Variants in XRCC4 observed in about 807,000 individuals in gnomAD.
The protein encoded by XRCC4 is X-ray repair cross complementing 4.
Under a neutral mutation model 39.1 loss-of-function variants are expected in XRCC4, and 28 were observed. The observed-to-expected ratio is 0.72, with a 90% CI of 0.53 to 0.98. The LOEUF (loss-of-function observed/expected upper bound fraction) is 0.98. XRCC4 is among the 50% of genes least tolerant of loss of function. XRCC4 has a pLI of 0.00. For missense variants in XRCC4, 350 were observed against 376.4 expected, an observed-to-expected ratio of 0.93 and a Z score of 0.58; for synonymous variants, 123 against 126.4, an observed-to-expected ratio of 0.97 and a Z score of 0.18.
intron 7 of XRCC4, among the ~76,000 whole-genome samples, chr5:83,298,377 T>A (rs924801731): frequency 1.3e-5 from 2 of 151,982 alleles, no homozygotes; most frequent in Non-Finnish European, 2.9e-5. Flanking sequence ...TTTGGTAAAA[T>A]CACCCTTATC....
intron 6 of XRCC4, among the ~76,000 whole-genome samples, chr5:83,253,037 A>G (rs1340705867): frequency 1.1e-4 from 16 of 152,236 alleles, no homozygotes; most frequent in Admixed American, 1.0e-3. Flanking sequence ...TCCTACAGAG[A>G]CAGGAAAGAT....
chr5:83,341,437 G>C lies in XRCC4; in HGVS notation c.894-11694G>C, dbSNP rs79761441. On this transcript the variant is annotated intron_variant, in intron 7 of 7. Coordinates refer to ENST00000396027, the MANE Select transcript of XRCC4 (RefSeq NM_003401.5). Reference sequence around the variant, plus strand: ...TTGCTTTTGTTTTTCCTAATTAACAGGTTTCCCAATTAACAGAAATTTTAG... The same window carrying C: ...TTGCTTTTGTTTTTCCTAATTAACACGTTTCCCAATTAACAGAAATTTTAG... Among the ~76,000 whole-genome samples the C allele has an allele frequency of 3.9e-3, 594 of 152,150 alleles. 3 individuals carry two copies. Among genetic ancestry groups the C allele is most frequent in the African/African-American group, 0.014 (577 of 41,530 alleles).
At position 83,273,088 on chromosome 5, in the gene XRCC4, A is replaced by G. The variant is rs1249359513; in HGVS notation, c.893+14411A>G. On this transcript the variant is annotated intron_variant, in intron 7 of 7. Transcript: ENST00000396027. ...TTCCTCCACATACTCTCCAACATCTATTGTTTCCTGACTTTAATGATCACC... is the reference window on the plus strand; with the variant it reads ...TTCCTCCACATACTCTCCAACATCTGTTGTTTCCTGACTTTAATGATCACC... 4.6e-5 allele frequency among the ~76,000 whole-genome samples: 7 copies of G among 152,164 alleles called. No individual in the cohort carries two copies. The South Asian group carries it at 1.2e-3, about 27-fold the overall frequency.
chr5:83,258,876 T>C (rs1224830711), intron 7 of XRCC4, 199 bp downstream of exon 7: 14 of 722,078 alleles, frequency 1.9e-5, no homozygotes, highest in Non-Finnish European at 2.7e-5. Flanking sequence ...GCTGAAATGC[T>C]GAGAACGTAA....
chr5:83,354,470 T>C (rs1347429766), downstream of XRCC4, among the ~76,000 whole-genome samples: 1 of 152,214 alleles, frequency 6.6e-6, no homozygotes, highest in East Asian at 1.9e-4. Flanking sequence ...TATATGTACA[T>C]ACATATACAT....
chr5:83,330,388 A>T (rs1756399730), intron 7 of XRCC4, among the ~76,000 whole-genome samples: 1 of 152,064 alleles, frequency 6.6e-6, no homozygotes, highest in Non-Finnish European at 1.5e-5. Flanking sequence ...ATTGAAAATT[A>T]AAAATATTTA....
intron 7 of XRCC4, among the ~76,000 whole-genome samples, chr5:83,319,935 T>C (rs979513012): frequency 4.4e-5 from 6 of 135,142 alleles, no homozygotes; most frequent in Admixed American, 1.5e-4. Flanking sequence ...TTATTCACAA[T>C]AGCAAAGACT....
chr5:83,219,309 G>T (rs536384581), intron 6 of XRCC4, among the ~76,000 whole-genome samples: 32 of 151,726 alleles, frequency 2.1e-4, no homozygotes, highest in Non-Finnish European at 4.0e-4. Context: ...GGGTGTGTTG[G>T]GGGGTGAGGG....
intron 3 of XRCC4, among the ~76,000 whole-genome samples, chr5:83,155,923 A>T (rs988224308): frequency 6.6e-6 from 1 of 152,050 alleles, no homozygotes; most frequent in Admixed American, 6.5e-5. Context: ...CTGAGTCTTA[A>T]TGTCTTTTTA....
At chr5:83,266,170 C>T (rs7703369) in intron 7 of XRCC4, among the ~76,000 whole-genome samples, 3,528 of 151,430 alleles carry the variant, frequency 0.023, 125 homozygotes, top group African/African-American at 0.082. Flanking sequence ...TATACATGGC[C>T]GGCAAAGTTA....
the XRCC4 span, among the ~76,000 whole-genome samples, chr5:83,370,379 G>T: frequency 4.6e-5 from 7 of 152,110 alleles, no homozygotes; most frequent in Non-Finnish European, 7.4e-5. Flanking sequence ...AACCATGTCA[G>T]TCCTCCTCTC....
At chr5:83,128,961 C>A (rs1007724006) in intron 3 of XRCC4, among the ~76,000 whole-genome samples, 23 of 152,110 alleles carry the variant, frequency 1.5e-4, no homozygotes, top group Admixed American at 1.3e-3. Flanking sequence ...TTTTGCTGTG[C>A]AGAAGCTCCT....
chr5:83,151,907 A>G (rs1008165376), intron 3 of XRCC4, among the ~76,000 whole-genome samples: 3 of 152,322 alleles, frequency 2.0e-5, no homozygotes, highest in Non-Finnish European at 4.4e-5. Flanking sequence ...GCTTCATTAA[A>G]ATGTTTTCTA....
At chr5:83,254,291 C>T (rs1753443757) in intron 6 of XRCC4, among the ~76,000 whole-genome samples, 1 of 152,088 alleles carries the variant, frequency 6.6e-6, no homozygotes, top group African/African-American at 2.4e-5. Flanking sequence ...ACATATCGCT[C>T]TGCCTTCTTA....
chr5:83,187,917 CAAT>C (rs1309992253), intron 3 of XRCC4, among the ~76,000 whole-genome samples: 1 of 151,906 alleles, frequency 6.6e-6, no homozygotes, highest in Non-Finnish European at 1.5e-5. Flanking sequence ...ACAGGACAGA[CAAT>C]AGATACATTT....
chr5:83,227,126 T>G (rs1251129114), intron 6 of XRCC4, among the ~76,000 whole-genome samples: 1 of 152,130 alleles, frequency 6.6e-6, no homozygotes, highest in African/African-American at 2.4e-5. Flanking sequence ...TTAAAATTCT[T>G]AGTTTTTGTT....
intron 7 of XRCC4, among the ~76,000 whole-genome samples, chr5:83,347,754 T>C (rs1289822756): frequency 6.6e-6 from 1 of 152,094 alleles, no homozygotes; most frequent in East Asian, 1.9e-4. Flanking sequence ...AAATCTTAAC[T>C]CATTCCAGTG....
chr5:83,137,959 A>G (rs1386498640), intron 3 of XRCC4, among the ~76,000 whole-genome samples: 2 of 152,208 alleles, frequency 1.3e-5, no homozygotes, highest in Admixed American at 6.5e-5. Context: ...TGGACAGAAC[A>G]TAGTATCTAG....
At chr5:83,337,777 T>G (rs551596005) in intron 7 of XRCC4, among the ~76,000 whole-genome samples, 2 of 152,302 alleles carry the variant, frequency 1.3e-5, no homozygotes, top group Non-Finnish European at 2.9e-5. Flanking sequence ...CAACTGTGAT[T>G]ACTGGAACAA....
Sources: gnomAD v4.1 joint callset for allele counts (sites outside exome capture counted in the v4.1 genomes callset) on GRCh38, gnomAD v4.1.1 for gene constraint, MANE v1.5 for transcripts, NCBI Gene and HGNC (gene_info 2026-07-23, HGNC 2026-07-21) for gene names.